The following STXBP4 variants were observed in gnomAD, a reference collection of about 807,000 sequenced individuals.
STXBP4 encodes syntaxin-binding protein 4.
STXBP4 carries 55 observed loss-of-function variants against 76.1 expected under a neutral mutation model. That is an observed-to-expected ratio of 0.72 (90% CI 0.58 to 0.91). The LOEUF (loss-of-function observed/expected upper bound fraction) is 0.91. STXBP4 is among the 40% of genes least tolerant of loss of function. The pLI is 0.00. For synonymous variants in STXBP4, 201 were observed against 220.2 expected (o/e 0.91, Z 0.77); for missense variants, 618 against 636.9 (o/e 0.97, Z 0.32).
At chr17:55,008,917 C>T (rs2078055686) in intron 8 of STXBP4, among the ~76,000 whole-genome samples, 1 of 152,214 alleles carries the variant, frequency 6.6e-6, no homozygotes, top group African/African-American at 2.4e-5. Flanking sequence ...GCAGCATGTC[C>T]TGGATTTTGT....
intron 8 of STXBP4, among the ~76,000 whole-genome samples, chr17:55,011,843 C>G (rs1426996376): frequency 2.0e-5 from 3 of 151,992 alleles, no homozygotes; most frequent in South Asian, 2.1e-4. Context: ...GTCTCTCAGT[C>G]CCCCCTCTCA....
chr17:55,059,805 AT>A (rs1261623002), intron 12 of STXBP4, among the ~76,000 whole-genome samples: 1 of 152,134 alleles, frequency 6.6e-6, no homozygotes, highest in Non-Finnish European at 1.5e-5. Context: ...GCAATGGAGG[AT>A]TTAACTGGGT....
intron 12 of STXBP4, among the ~76,000 whole-genome samples, chr17:55,069,239 T>G (rs1264631766): frequency 6.6e-6 from 1 of 152,120 alleles, no homozygotes; most frequent in Non-Finnish European, 1.5e-5. Flanking sequence ...CTGCTTAGTA[T>G]TAAAAAGCAT....
intron 7 of STXBP4, among the ~76,000 whole-genome samples, chr17:55,005,214 C>T (rs1018911830): frequency 6.6e-6 from 1 of 152,160 alleles, no homozygotes; most frequent in Non-Finnish European, 1.5e-5. Flanking sequence ...TCCTATGAGG[C>T]AGTCTGGTTT....
rs148459711 is a variant in STXBP4 at position 54,976,074 on chromosome 17, A to G, written c.-157+7259A>G. On this transcript the variant is annotated intron_variant, in intron 1 of 17. Coordinates refer to ENST00000376352, the MANE Select transcript of STXBP4 (RefSeq NM_178509.6). ...GAGCAATGATCTTGACTTGTTCACC[A>G]TAATATCACATGCCCTTAGTGTTGT... Among the ~76,000 whole-genome samples the G allele has an allele frequency of 3.3e-3, 507 of 152,320 alleles. 2 individuals carry two copies. The highest frequency in any genetic ancestry group is 0.011 in the African/African-American group (469 of 41,572).
At chr17:55,113,574 A>G (rs574840132) in intron 16 of STXBP4, among the ~76,000 whole-genome samples, 2 of 152,214 alleles carry the variant, frequency 1.3e-5, no homozygotes, top group East Asian at 3.9e-4. Context: ...GAGAAGTGCT[A>G]TCATAAGAGG....
chr17:55,122,799 G>A (rs2079861430), intron 16 of STXBP4, among the ~76,000 whole-genome samples: 1 of 151,794 alleles, frequency 6.6e-6, no homozygotes, highest in Admixed American at 6.6e-5. Context: ...AATTATAAGG[G>A]GATTAAAGTA....
At position 55,078,125 on chromosome 17, in the gene STXBP4, A is replaced by G. The variant is rs1567751317; in HGVS notation, c.1236A>G (p.Gln412=). 2.5e-6 allele frequency: 4 copies of G among 1,612,472 alleles called. No individual in the cohort carries two copies. In the South Asian group the frequency reaches 3.3e-5, roughly 13 times the overall value. Residue 412 remains glutamine (Q), a synonymous_variant, in exon 14 of 18, where the codon CAA becomes CAG. Coordinates refer to ENST00000376352, the MANE Select transcript of STXBP4 (RefSeq NM_178509.6). Reference sequence around the variant, plus strand: ...AGAGAATCATGGTACTCGACTGCCAATTACGAAAATCAGAAATGGCTCGAA... The same window carrying G: ...AGAGAATCATGGTACTCGACTGCCAGTTACGAAAATCAGAAATGGCTCGAA... ...LKKRIMVLDC[Q]LRKSEMARKT...
chr17:55,018,311 ACT>A (rs759548513), intron 8 of STXBP4, among the ~76,000 whole-genome samples: 28 of 152,226 alleles, frequency 1.8e-4, no homozygotes, highest in Middle Eastern at 3.4e-3. Context: ...CACAGCGGAC[ACT>A]CTGCCGGATT....
At position 55,167,660 on chromosome 17, in the gene STXBP4, C is replaced by T. The variant is rs2080383388; in HGVS notation, c.*7749C>T. 1 of 152,212 alleles carries T rather than the reference C, an allele frequency of 6.6e-6. No individual in the cohort carries two copies. Among genetic ancestry groups the T allele is most frequent in the African/African-American group, 2.4e-5 (1 of 41,452 alleles). 9.4% of individuals were successfully genotyped at this position (152,212 alleles called of 1,614,324 possible). A position where few individuals can be genotyped will look rare whatever the true frequency, so the allele number is the denominator to read the frequency against. ...CTGAAACCAAAATACAAGGTTAGTG[C>T]ATTTCAGAGCAGCAGCAAACTTCTG... On this transcript the variant is annotated 3_prime_UTR_variant, in exon 18 of 18. Coordinates refer to ENST00000376352, the MANE Select transcript of STXBP4 (RefSeq NM_178509.6).
At chr17:55,050,435 G>C (rs1423662443) in intron 12 of STXBP4, among the ~76,000 whole-genome samples, 1 of 152,112 alleles carries the variant, frequency 6.6e-6, no homozygotes, top group African/African-American at 2.4e-5. Context: ...AGAACTTCTA[G>C]CTTCTAAAAT....
intron 16 of STXBP4, among the ~76,000 whole-genome samples, chr17:55,090,311 T>C (rs1231062862): frequency 2.0e-5 from 3 of 151,982 alleles, no homozygotes; most frequent in Non-Finnish European, 4.4e-5. Context: ...CACTGGGGCA[T>C]ACAGGAAGCT....
chr17:55,041,839 A>G (rs1052719580), intron 10 of STXBP4, among the ~76,000 whole-genome samples: 1 of 152,172 alleles, frequency 6.6e-6, no homozygotes, highest in Non-Finnish European at 1.5e-5. Context: ...CACTACCACC[A>G]TCACTACCAC....
the STXBP4 span, among the ~76,000 whole-genome samples, chr17:55,205,791 C>A: frequency 6.6e-6 from 1 of 151,968 alleles, no homozygotes; most frequent in African/African-American, 2.4e-5. Context: ...GGAAGACAAA[C>A]TGGTACAAAT....
At chr17:55,063,304 G>T (rs1387582281) in intron 12 of STXBP4, among the ~76,000 whole-genome samples, 1 of 152,198 alleles carries the variant, frequency 6.6e-6, no homozygotes, top group Non-Finnish European at 1.5e-5. Flanking sequence ...GATTCTAAGA[G>T]AAATTTTATT....
downstream of STXBP4, among the ~76,000 whole-genome samples, chr17:55,176,019 TC>T (rs749735288): frequency 2.0e-5 from 3 of 152,184 alleles, no homozygotes; most frequent in Non-Finnish European, 2.9e-5. Context: ...ATCCAGTGAT[TC>T]CTGACGCATG....
At chr17:55,209,785 G>A in the STXBP4 span, among the ~76,000 whole-genome samples, 3 of 152,080 alleles carry the variant, frequency 2.0e-5, no homozygotes, top group South Asian at 4.2e-4. Flanking sequence ...AGATAGCTTC[G>A]GCTTTCTGAG....
chr17:55,037,071 T>C (rs1168666052), intron 10 of STXBP4, among the ~76,000 whole-genome samples: 1 of 152,146 alleles, frequency 6.6e-6, no homozygotes, highest in Admixed American at 6.6e-5. Flanking sequence ...ATCTGGTTGT[T>C]CTGTAACCCT....
At chr17:55,212,956 G>A in the STXBP4 span, among the ~76,000 whole-genome samples, 1 of 152,108 alleles carries the variant, frequency 6.6e-6, no homozygotes, top group East Asian at 1.9e-4. Flanking sequence ...AAGGAAGAGT[G>A]TAGGATGCTT....
Sources: allele counts gnomAD v4.1 joint callset (sites outside exome capture counted in the v4.1 genomes callset), GRCh38; gene constraint gnomAD v4.1.1; transcripts MANE v1.5; gene names NCBI Gene and HGNC (gene_info 2026-07-23, HGNC 2026-07-21).